Variants in NEIL3 observed in about 807,000 individuals in gnomAD.
The protein encoded by NEIL3 is nei like DNA glycosylase 3.
NEIL3 carries 48 observed loss-of-function variants against 57.5 expected under a neutral mutation model. The ratio of observed to expected loss-of-function variants is 0.83; its 90% CI spans 0.66 to 1.06. The LOEUF is 1.06. Among genes scored for constraint, NEIL3 ranks in the 50% least tolerant of loss-of-function variants. The pLI is 0.00. For missense variants in NEIL3, 717 were observed against 739.1 expected (o/e 0.97, Z 0.35); for synonymous variants, 261 against 253.2 (o/e 1.03, Z -0.29).
chr4:177,331,924 G>T (rs1040158470), intron 2 of NEIL3, among the ~76,000 whole-genome samples: 1 of 152,142 alleles, frequency 6.6e-6, no homozygotes, highest in African/African-American at 2.4e-5. Context: ...GGCAGTGGAT[G>T]GTTTCTCTGT....
At chr4:177,337,880 G>T (rs552214900) in intron 4 of NEIL3, among the ~76,000 whole-genome samples, 1 of 152,144 alleles carries the variant, frequency 6.6e-6, no homozygotes. Flanking sequence ...TGAGGTGGGC[G>T]TAGTGGCACA....
intron 8 of NEIL3, among the ~76,000 whole-genome samples, chr4:177,354,439 T>C: frequency 6.6e-6 from 1 of 152,204 alleles, no homozygotes; most frequent in Non-Finnish European, 1.5e-5. Context: ...TTTATAAAAG[T>C]TTAGTAAGTA....
At chr4:177,335,061 T>C (rs1029301902) in intron 2 of NEIL3, among the ~76,000 whole-genome samples, 4 of 152,148 alleles carry the variant, frequency 2.6e-5, no homozygotes, top group Non-Finnish European at 4.4e-5. Flanking sequence ...ACGAAAAGAA[T>C]TGAGGACAAT....
intron 8 of NEIL3, among the ~76,000 whole-genome samples, chr4:177,357,977 G>A (rs1735514017): frequency 6.6e-6 from 1 of 152,152 alleles, no homozygotes; most frequent in Non-Finnish European, 1.5e-5. Context: ...GAGGAACTAA[G>A]ATGTCCTCAG....
chr4:177,317,554 T>A (rs1734597130), intron 1 of NEIL3, among the ~76,000 whole-genome samples: 1 of 151,792 alleles, frequency 6.6e-6, no homozygotes, highest in Non-Finnish European at 1.5e-5. Flanking sequence ...AACTTTGTTT[T>A]GCTAAATGGC....
the NEIL3 span, among the ~76,000 whole-genome samples, chr4:177,371,202 A>C: frequency 6.6e-6 from 1 of 152,314 alleles, no homozygotes; most frequent in East Asian, 1.9e-4. Flanking sequence ...TAACATATCT[A>C]TGTCACTCCC....
At position 177,336,322 on chromosome 4, in the gene NEIL3, G is replaced by A; in HGVS notation, c.627+1G>A. ...CAGTGGTCTCCACCCAGCTGTTAAA[G>A]TAAGTTTTAAGTATTTTTTTAATTA... On this transcript the variant is annotated splice_donor_variant, in intron 4 of 9. Coordinates refer to ENST00000264596, the MANE Select transcript of NEIL3 (RefSeq NM_018248.3). LOFTEE classifies it high-confidence loss of function. 6.2e-7 allele frequency: 1 copy of A among 1,611,392 alleles called. No individual in the cohort carries two copies. Among genetic ancestry groups the A allele is most frequent in the Non-Finnish European group, 8.5e-7 (1 of 1,178,778 alleles).
At position 177,330,251 on chromosome 4, in the gene NEIL3, C is replaced by T. The variant is rs147887184; in HGVS notation, c.279-5437C>T. Among the ~76,000 whole-genome samples, 1,030 of 152,294 alleles carry T rather than the reference C, an allele frequency of 6.8e-3. 42 individuals are homozygous for T. The highest frequency in any genetic ancestry group is 0.059 in the Admixed American group (899 of 15,292). On this transcript the variant is annotated intron_variant, in intron 2 of 9. Transcript: ENST00000264596. Reference sequence around the variant, plus strand: ...ATTTGGAAATCAATGTGCTTCTAAACTCACCTGTCAAATAAATCACAAAGG... The same window carrying T: ...ATTTGGAAATCAATGTGCTTCTAAATTCACCTGTCAAATAAATCACAAAGG...
chr4:177,332,946 C>T (rs191447714), intron 2 of NEIL3, among the ~76,000 whole-genome samples: 4 of 152,136 alleles, frequency 2.6e-5, no homozygotes, highest in East Asian at 3.9e-4. Context: ...TTGTAGATAA[C>T]GTGATTTTTT....
At chr4:177,337,174 G>A (rs1017033711) in intron 4 of NEIL3, among the ~76,000 whole-genome samples, 1 of 152,004 alleles carries the variant, frequency 6.6e-6, no homozygotes, top group African/African-American at 2.4e-5. Flanking sequence ...GTTCTAAGAG[G>A]GTAAGAGAGG....
chr4:177,355,195 G>C (rs1373031912), intron 8 of NEIL3, among the ~76,000 whole-genome samples: 1 of 152,080 alleles, frequency 6.6e-6, no homozygotes, highest in Non-Finnish European at 1.5e-5. Context: ...TAAATAAGTG[G>C]AGAATTTATA....
rs756650543 is a variant in NEIL3 at position 177,362,375 on chromosome 4, G to T, written c.1722G>T (p.Lys574Asn). 8.7e-6 allele frequency: 14 copies of T among 1,613,390 alleles called. No individual in the cohort carries two copies. Among genetic ancestry groups the T allele is most frequent in the Non-Finnish European group, 1.1e-5 (13 of 1,179,756 alleles). The change falls in exon 10 of 10, where the codon AAG becomes AAT. Residue 574 changes from lysine to asparagine, a missense_variant. By Grantham distance (94) the Lys-to-Asn change is moderately conservative. Coordinates refer to ENST00000264596, the MANE Select transcript of NEIL3 (RefSeq NM_018248.3). ...TGAAGATTGGACCTAACAATGGAAA[G>T]AATTTTTTTGTGTGTCCTCTTGGGA... Reference protein sequence around the residue: ...TVLKIGPNNGKNFFVCPLGKE... With the variant: ...TVLKIGPNNGNNFFVCPLGKE...
rs115544895 is a variant in NEIL3 at position 177,337,597 on chromosome 4, G to T, written c.627+1276G>T. On this transcript the variant is annotated intron_variant, in intron 4 of 9. Coordinates refer to ENST00000264596, the MANE Select transcript of NEIL3 (RefSeq NM_018248.3). ...GTTTTTGAAAAAAAGAGAACCCAGGGTATTGTTGTTATCTGTGATGCACTG... is the reference window on the plus strand; with the variant it reads ...GTTTTTGAAAAAAAGAGAACCCAGGTTATTGTTGTTATCTGTGATGCACTG... Among the ~76,000 whole-genome samples, 1,107 of 152,242 alleles carry T rather than the reference G, an allele frequency of 7.3e-3. 12 individuals are homozygous for T. The highest frequency in any genetic ancestry group is 0.025 in the African/African-American group (1,035 of 41,546).
At chr4:177,336,069 C>A in intron 3 of NEIL3, 39 bp from the exon 4 acceptor site, 1 of 1,492,448 alleles carries the variant, frequency 6.7e-7, no homozygotes, top group Non-Finnish European at 9.3e-7. Context: ...AAATTATAAC[C>A]AGACTTATGA....
At chr4:177,326,415 A>G (rs930007063) in intron 2 of NEIL3, among the ~76,000 whole-genome samples, 6 of 152,000 alleles carry the variant, frequency 3.9e-5, no homozygotes, top group African/African-American at 1.5e-4. Context: ...TTCTTTTATC[A>G]TTTTTTGTGT....
At chr4:177,351,609 T>G in intron 7 of NEIL3, 60 bp downstream of exon 7, 1 of 1,327,556 alleles carries the variant, frequency 7.5e-7, no homozygotes, top group Non-Finnish European at 1.1e-6. Context: ...TTATACAAAG[T>G]CAGGAATATA....
chr4:177,310,031 C>A lies in NEIL3; in HGVS notation c.78C>A (p.Gly26=), dbSNP rs1464126987. 6.2e-7 allele frequency: 1 copy of A among 1,610,176 alleles called. No individual in the cohort carries two copies. The highest frequency in any genetic ancestry group is 1.7e-5 in the Admixed American group (1 of 59,768). ...TGCTCCCGGGCCAGGCGGTGACCGG[C>A]GTGCGGGGAAGCGCTCTGCGGAGTC... ...ARVLPGQAVT[G]VRGSALRSLQ... Residue 26 remains glycine (G), a synonymous_variant, in exon 1 of 10, where the codon GGC becomes GGA. Coordinates refer to ENST00000264596, the MANE Select transcript of NEIL3 (RefSeq NM_018248.3).
intron 2 of NEIL3, among the ~76,000 whole-genome samples, chr4:177,330,158 C>T (rs528265388): frequency 5.8e-4 from 88 of 152,292 alleles, no homozygotes; most frequent in Non-Finnish European, 7.4e-4. Flanking sequence ...GTCATCTACC[C>T]GCCTTGGCCT....
In NEIL3 at chr4:177,353,611, A is replaced by G; in HGVS notation, c.1343A>G (p.Asn448Ser). ...ATAACTCAACCATCCAGCAAAGTAA[A>G]CATATCACCTACAATCAGTTCAGAA... ...NDITQPSSKV[N>S]ISPTISSESK... Residue 448 changes from asparagine to serine, a missense_variant, in exon 8 of 10, where the codon AAC (asparagine) becomes AGC (serine). Transcript: ENST00000264596. 2 of 1,613,732 alleles carry G rather than the reference A, an allele frequency of 1.2e-6. No homozygotes were observed. Among genetic ancestry groups the G allele is most frequent in the Non-Finnish European group, 8.5e-7 (1 of 1,179,674 alleles).
Sources: gnomAD v4.1 joint callset for allele counts (sites outside exome capture counted in the v4.1 genomes callset) on GRCh38, gnomAD v4.1.1 for gene constraint, MANE v1.5 for transcripts, NCBI Gene and HGNC (gene_info 2026-07-23, HGNC 2026-07-21) for gene names.